The following KIAA1549 variants were observed in gnomAD, a reference collection of about 807,000 sequenced individuals.
KIAA1549 encodes the protein KIAA1549.
KIAA1549 carries 70 observed loss-of-function variants against 156.4 expected under a neutral mutation model. That is an observed-to-expected ratio of 0.45 (90% CI 0.37 to 0.55). The LOEUF (loss-of-function observed/expected upper bound fraction) is 0.55, where lower values mean the gene tolerates loss of function less well. Ranked by LOEUF, KIAA1549 falls within the 20% of genes least tolerant of loss-of-function variation. The pLI is 0.00. For missense variants in KIAA1549, 2,428 were observed against 2,540.9 expected (o/e 0.96, Z 0.96); for synonymous variants, 1,103 against 1,066.4 (o/e 1.03, Z -0.67).
intron 9 of KIAA1549, among the ~76,000 whole-genome samples, chr7:138,895,340 A>G (rs1330819353): frequency 1.3e-5 from 2 of 152,252 alleles, no homozygotes; most frequent in Non-Finnish European, 2.9e-5. Context: ...TGTTCGTAGC[A>G]GCGCTATTCA....
intron 12 of KIAA1549, among the ~76,000 whole-genome samples, chr7:138,874,097 T>C (rs1024580485): frequency 6.8e-6 from 1 of 148,034 alleles, no homozygotes; most frequent in Non-Finnish European, 1.5e-5. Flanking sequence ...TTAATAAATA[T>C]AATTATATAA....
intron 11 of KIAA1549, 84 bp from the exon 12 acceptor site, chr7:138,879,737 A>T: frequency 5.9e-6 from 5 of 850,028 alleles, no homozygotes; most frequent in Non-Finnish European, 9.0e-6. Flanking sequence ...TGTGGAAGTC[A>T]GGCTTCCAGG....
rs147366765 is a variant in KIAA1549, at chr7:138,935,401, C to T, written c.188-15963G>A. 2.0e-3 allele frequency among the ~76,000 whole-genome samples: 305 copies of T among 152,322 alleles called. 1 individual carries two copies. The highest frequency in any genetic ancestry group is 4.6e-3 in the Admixed American group (70 of 15,298). On this transcript the variant is annotated intron_variant, in intron 1 of 19. Transcript: ENST00000422774. ...TCCTAAATAAAATGCAATCCTCTTTCACCAACCTAGAAAGCAAGACTGTCA... is the reference window on the plus strand; with the variant it reads ...TCCTAAATAAAATGCAATCCTCTTTTACCAACCTAGAAAGCAAGACTGTCA...
At chr7:138,967,949 C>T (rs996260480) in intron 1 of KIAA1549, among the ~76,000 whole-genome samples, 1 of 152,232 alleles carries the variant, frequency 6.6e-6, no homozygotes, top group African/African-American at 2.4e-5. Context: ...GCACCTGTCA[C>T]GTGCTCCTGC....
chr7:138,949,742 C>A (rs371379065), intron 1 of KIAA1549, among the ~76,000 whole-genome samples: 4 of 152,318 alleles, frequency 2.6e-5, no homozygotes, highest in South Asian at 2.1e-4. Flanking sequence ...TGACTGCAGA[C>A]CCCAGGAGTG....
intron 10 of KIAA1549, among the ~76,000 whole-genome samples, chr7:138,884,937 T>C (rs1811347653): frequency 6.6e-6 from 1 of 152,276 alleles, no homozygotes; most frequent in African/African-American, 2.4e-5. Flanking sequence ...GGCTTACGCC[T>C]GTAATCCCAA....
intron 1 of KIAA1549, among the ~76,000 whole-genome samples, chr7:138,924,182 C>CTTTTTTTTTTTTTTTTT (rs1233229501): frequency 1.1e-5 from 1 of 92,356 alleles, no homozygotes; most frequent in African/African-American, 5.3e-5. Context: ...CTTTTCTTTT[C>CTTTTTTTTTTTTTTTTT]TTTTTTTTTT....
chr7:138,903,684 C>A lies in KIAA1549; in HGVS notation c.3573G>T (p.Glu1191Asp), dbSNP rs1009741859. The change falls in exon 8 of 20, where the codon GAG becomes GAT. Residue 1191 changes from glutamate (E) to aspartate (D), a missense_variant. Glu to Asp is a conservative substitution (Grantham distance 45). Coordinates refer to ENST00000422774, the MANE Select transcript of KIAA1549 (RefSeq NM_001164665.2). Reference protein sequence around the residue: ...KQLQNEVFQAEMERKLAQLLS... With the variant: ...KQLQNEVFQADMERKLAQLLS... ...GCAGCTGGGCCAGCTTGCGTTCCATCTCGGCTTGAAACACTTCATTCTGGA... is the reference window on the plus strand; with the variant it reads ...GCAGCTGGGCCAGCTTGCGTTCCATATCGGCTTGAAACACTTCATTCTGGA... The A allele has an allele frequency of 1.9e-6, 3 of 1,609,654 alleles. No individual in the cohort carries two copies. The highest frequency in any genetic ancestry group is 2.7e-5 in the African/African-American group (2 of 74,846).
intron 17 of KIAA1549, among the ~76,000 whole-genome samples, chr7:138,845,010 C>CCAGTGTTCT (rs1810034186): frequency 6.6e-6 from 1 of 152,006 alleles, no homozygotes; most frequent in Non-Finnish European, 1.5e-5. Context: ...AGGCTGAAAA[C>CCAGTGTTCT]CAGTGTTCTA....
At chr7:138,902,434 C>G (rs1811868767) in intron 8 of KIAA1549, among the ~76,000 whole-genome samples, 1 of 152,084 alleles carries the variant, frequency 6.6e-6, no homozygotes, top group Non-Finnish European at 1.5e-5. Context: ...TCTGAAATGT[C>G]ATAGCTCTAA....
chr7:138,919,064 C>T lies in KIAA1549; in HGVS notation c.562G>A (p.Glu188Lys). ...GGAGTGAGCATAGGTTCTAATGCTT[C>T]CCTGGGCAGCCCTGGTGGGCTGACT... ...ITVSPPGLPR[E>K]ALEPMLTPSL... Residue 188 changes from glutamate to lysine, a missense_variant, in exon 2 of 20, where the codon GAA becomes AAA. Around this residue, in one of 5 missense-constraint regions of KIAA1549, gnomAD observed 893 missense variants for 847.9 expected, o/e 1.05. Transcript: ENST00000422774. The T allele has an allele frequency of 6.2e-7, 1 of 1,613,946 alleles. No individual in the cohort carries two copies. The highest frequency in any genetic ancestry group is 1.3e-5 in the African/African-American group (1 of 75,018).
intron 1 of KIAA1549, among the ~76,000 whole-genome samples, chr7:138,978,108 T>G (rs772100654): frequency 9.2e-5 from 14 of 152,176 alleles, no homozygotes; most frequent in Non-Finnish European, 2.1e-4. Flanking sequence ...AAATAAGACT[T>G]AATGAATGGA....
chr7:138,954,197 C>T (rs1190739245), intron 1 of KIAA1549, among the ~76,000 whole-genome samples: 2 of 152,148 alleles, frequency 1.3e-5, no homozygotes, highest in South Asian at 2.1e-4. Flanking sequence ...AGAGCGCATT[C>T]GTGCAATTTA....
At chr7:138,970,088 T>A (rs1005516253) in intron 1 of KIAA1549, among the ~76,000 whole-genome samples, 3 of 152,252 alleles carry the variant, frequency 2.0e-5, no homozygotes, top group Admixed American at 1.3e-4. Flanking sequence ...TTTCCTTTTT[T>A]AAAAATTTTC....
chr7:138,872,742 C>T (rs1366269245), intron 12 of KIAA1549, among the ~76,000 whole-genome samples: 5 of 152,130 alleles, frequency 3.3e-5, no homozygotes, highest in African/African-American at 9.7e-5. Flanking sequence ...CTTGTCTCTA[C>T]AATTTTTTTT....
intron 1 of KIAA1549, among the ~76,000 whole-genome samples, chr7:138,932,496 C>A (rs991578807): frequency 6.6e-6 from 1 of 152,182 alleles, no homozygotes; most frequent in Admixed American, 6.5e-5. Context: ...GGACACTGAG[C>A]AAATGCAGTG....
intron 1 of KIAA1549, among the ~76,000 whole-genome samples, chr7:138,930,217 C>T (rs1335070415): frequency 6.6e-6 from 1 of 152,210 alleles, no homozygotes; most frequent in African/African-American, 2.4e-5. Flanking sequence ...TCATGCTTTA[C>T]ACAGATGTGC....
rs1461175830 is a variant in KIAA1549 at position 138,918,455 on chromosome 7, A to C, written c.1171T>G (p.Ser391Ala). The change falls in exon 2 of 20, where the codon TCC becomes GCC. Residue 391 changes from serine (S) to alanine (A), a missense_variant. By Grantham distance (99) the Ser-to-Ala change is moderately conservative (BLOSUM62 1). Around this residue, in one of 5 missense-constraint regions of KIAA1549, gnomAD observed 893 missense variants for 847.9 expected, o/e 1.05. Coordinates refer to ENST00000422774, the MANE Select transcript of KIAA1549 (RefSeq NM_001164665.2). The surrounding 1 kb of genome is among the most constrained non-coding windows in gnomAD (Gnocchi z 4.2). ...PFLPSDSSKT[S>A]ELHSNSALPG... ...AGGGCTGAATTGCTATGCAATTCGG[A>C]TGTTTTGCTGGAGTCGCTAGGGAGA... is the stretch of plus-strand genomic sequence containing the variant. 6.2e-7 allele frequency: 1 copy of C among 1,613,834 alleles called. No homozygotes were observed. Among genetic ancestry groups the C allele is most frequent in the Non-Finnish European group, 8.5e-7 (1 of 1,179,900 alleles).
At chr7:138,963,777 CTTAA>C (rs1313965662) in intron 1 of KIAA1549, among the ~76,000 whole-genome samples, 1 of 152,144 alleles carries the variant, frequency 6.6e-6, no homozygotes, top group African/African-American at 2.4e-5. Context: ...TATACACTAA[CTTAA>C]TTAACGGAGG....
Sources: gnomAD v4.1 joint callset for allele counts (sites outside exome capture counted in the v4.1 genomes callset) on GRCh38, gnomAD v4.1.1 for gene constraint, gnomAD v4.1.1 regional missense constraint, Gnocchi (gnomAD v3.1) non-coding constraint, MANE v1.5 for transcripts, NCBI Gene and HGNC (gene_info 2026-07-23, HGNC 2026-07-21) for gene names.